The following TRIM2 variants were observed in gnomAD, a reference collection of about 807,000 sequenced individuals.
TRIM2 encodes tripartite motif containing 2.
A neutral mutation model predicts 75.2 loss-of-function variants in TRIM2; 20 were observed. The ratio of observed to expected loss-of-function variants is 0.27; its 90% CI spans 0.19 to 0.39. TRIM2 has a LOEUF of 0.39. Ranked by LOEUF, TRIM2 falls within the 10% of genes least tolerant of loss-of-function variation. The probability of loss-of-function intolerance (pLI) is 1.00; values close to 1 mark genes in which losing one functional copy is unlikely to be tolerated. For missense variants in TRIM2, 660 were observed against 990.8 expected (o/e 0.67, Z 4.48); for synonymous variants, 373 against 388.3 (o/e 0.96, Z 0.46).
chr4:153,226,828 C>A (rs999097117), intron 1 of TRIM2, among the ~76,000 whole-genome samples: 5 of 152,146 alleles, frequency 3.3e-5, no homozygotes, highest in African/African-American at 1.2e-4. Context: ...GAACAAGTTT[C>A]CTTTTAGAAT....
At chr4:153,240,560 A>G (rs541153024) in intron 1 of TRIM2, among the ~76,000 whole-genome samples, 1 of 152,320 alleles carries the variant, frequency 6.6e-6, no homozygotes, top group South Asian at 2.1e-4. Context: ...TGCTTCTATT[A>G]TCAGTAGAAG....
intron 11 of TRIM2, 70 bp from the exon 12 acceptor site, chr4:153,334,744 T>A: frequency 7.4e-7 from 1 of 1,353,730 alleles, no homozygotes; most frequent in South Asian, 1.6e-5. Context: ...GCATCAAGAG[T>A]TTTCTAACCC....
chr4:153,270,680 T>G (rs570828420), intron 2 of TRIM2, among the ~76,000 whole-genome samples, 161 bp downstream of exon 2: 7 of 152,332 alleles, frequency 4.6e-5, no homozygotes, highest in African/African-American at 1.7e-4. Flanking sequence ...TGCAAATAAT[T>G]TACTTTATTT....
intron 1 of TRIM2, among the ~76,000 whole-genome samples, chr4:153,180,529 GTC>G: frequency 6.6e-6 from 1 of 152,134 alleles, no homozygotes; most frequent in East Asian, 1.9e-4. Context: ...TTGAGACAGA[GTC>G]TTGCTGCGCA....
At chr4:153,160,705 A>G (rs1389851167) in intron 1 of TRIM2, among the ~76,000 whole-genome samples, 4 of 152,134 alleles carry the variant, frequency 2.6e-5, no homozygotes, top group Non-Finnish European at 4.4e-5. Context: ...AGCGATCCTT[A>G]TACTTCAGCC....
intron 1 of TRIM2, among the ~76,000 whole-genome samples, chr4:153,183,234 A>G (rs2149641090): frequency 6.6e-6 from 1 of 152,314 alleles, no homozygotes; most frequent in South Asian, 2.1e-4. Context: ...AGCACTGGGC[A>G]GTGATGCATG....
At position 153,336,520 on chromosome 4, in the gene TRIM2, A is replaced by C; in HGVS notation, c.*1554A>C. On this transcript the variant is annotated 3_prime_UTR_variant, in exon 12 of 12. Transcript: ENST00000338700. ...GGTACTGTAAAATAAGCTGTGGTCTATTTCCACTGTTTAATTTTCTACTCA... is the reference window on the plus strand; with the variant it reads ...GGTACTGTAAAATAAGCTGTGGTCTCTTTCCACTGTTTAATTTTCTACTCA... 1.0e-6 allele frequency: 1 copy of C among 985,816 alleles called. No homozygotes were observed. The highest frequency in any genetic ancestry group is 1.2e-6 in the Non-Finnish European group (1 of 829,918). The allele number at this position is 985,816 out of a possible 1,614,324, so 61.1% of individuals were successfully genotyped here. A position where few individuals can be genotyped will look rare whatever the true frequency, so the allele number is the denominator to read the frequency against.
intron 3 of TRIM2, 53 bp from the exon 4 acceptor site, chr4:153,292,926 GAGT>G: frequency 6.7e-7 from 1 of 1,488,976 alleles, no homozygotes; most frequent in Non-Finnish European, 9.0e-7. Context: ...GCTTAGTGTA[GAGT>G]AAGCCCTCAA....
intron 1 of TRIM2, among the ~76,000 whole-genome samples, chr4:153,179,532 G>GT (rs1167497049): frequency 6.6e-6 from 1 of 152,042 alleles, no homozygotes; most frequent in Non-Finnish European, 1.5e-5. Context: ...GGAAAATGCC[G>GT]TACCAAGACA....
chr4:153,334,807 T>C lies in TRIM2; in HGVS notation c.2164-7T>C, dbSNP rs1256888765. ...CTATAACATTCTGACTTCCTATTTG[T>C]TTACAGGTTTTTGATGGGAGTGGAT... is the stretch of plus-strand genomic sequence containing the variant. On this transcript the variant is annotated splice_region_variant and splice_polypyrimidine_tract_variant and intron_variant, in intron 11 of 11. Coordinates refer to ENST00000338700, the MANE Select transcript of TRIM2 (RefSeq NM_015271.5). 1 of 1,607,738 alleles carries C rather than the reference T, an allele frequency of 6.2e-7. No homozygotes were observed. The highest frequency in any genetic ancestry group is 8.5e-7 in the Non-Finnish European group (1 of 1,175,448).
In TRIM2 at chr4:153,337,134, C is replaced by T. The variant is rs187070610; in HGVS notation, c.*2168C>T. 5.6e-5 allele frequency: 55 copies of T among 985,418 alleles called. No individual in the cohort carries two copies. The African/African-American group carries it at 8.5e-4, about 15-fold the overall frequency. 61.0% of individuals were successfully genotyped at this position (985,418 alleles called of 1,614,324 possible). A position where few individuals can be genotyped will look rare whatever the true frequency, so the allele number is the denominator to read the frequency against. ...CGTTCTGCACAAAAGACAGGCTAGACTCTTGTCTAGATTGTTTAAAAGAAA... is the reference window on the plus strand; with the variant it reads ...CGTTCTGCACAAAAGACAGGCTAGATTCTTGTCTAGATTGTTTAAAAGAAA... On this transcript the variant is annotated 3_prime_UTR_variant, in exon 12 of 12. Coordinates refer to ENST00000338700, the MANE Select transcript of TRIM2 (RefSeq NM_015271.5).
chr4:153,338,971 G>C lies in TRIM2; in HGVS notation c.*4005G>C. On this transcript the variant is annotated 3_prime_UTR_variant, in exon 12 of 12. Transcript: ENST00000338700. ...TGAAGGGGTTTTTTTTTTTTGCTTTGTTTTCTTTTTAGATTTTGTACATTC... is the reference window on the plus strand; with the variant it reads ...TGAAGGGGTTTTTTTTTTTTGCTTTCTTTTCTTTTTAGATTTTGTACATTC... 1 of 968,322 alleles carries C rather than the reference G, an allele frequency of 1.0e-6. No individual in the cohort carries two copies. Among genetic ancestry groups the C allele is most frequent in the Non-Finnish European group, 1.2e-6 (1 of 823,218 alleles). 60.0% of individuals were successfully genotyped at this position (968,322 alleles called of 1,614,324 possible). A position where few individuals can be genotyped will look rare whatever the true frequency, so the allele number is the denominator to read the frequency against.
chr4:153,264,306 T>G (rs1207261689), intron 1 of TRIM2, among the ~76,000 whole-genome samples: 1 of 152,224 alleles, frequency 6.6e-6, no homozygotes, highest in Non-Finnish European at 1.5e-5. Context: ...TTTGCTACCA[T>G]TTCCTTTCTA....
At chr4:153,156,210 G>A (rs1729218593) in intron 1 of TRIM2, among the ~76,000 whole-genome samples, 1 of 152,156 alleles carries the variant, frequency 6.6e-6, no homozygotes, top group African/African-American at 2.4e-5. Flanking sequence ...GAGCTCTCCC[G>A]GGGCCTCTTC....
chr4:153,239,894 T>C (rs1485966479), intron 1 of TRIM2, among the ~76,000 whole-genome samples: 2 of 147,922 alleles, frequency 1.4e-5, no homozygotes, highest in African/African-American at 5.1e-5. Flanking sequence ...TGGAGTGCAG[T>C]GGCGTTATCT....
intron 6 of TRIM2, chr4:153,307,980 C>T: frequency 1.3e-6 from 1 of 758,662 alleles, no homozygotes; most frequent in Non-Finnish European, 2.5e-6. Context: ...GTTCTGAATA[C>T]ACTGGACCAG....
intron 8 of TRIM2, among the ~76,000 whole-genome samples, chr4:153,318,871 A>G (rs1445459494): frequency 6.6e-6 from 1 of 152,234 alleles, no homozygotes; most frequent in Non-Finnish European, 1.5e-5. Context: ...AATAATGAGA[A>G]TAAACTCTAA....
At position 153,156,008 on chromosome 4, in the gene TRIM2, G is replaced by A. The variant is rs146144576; in HGVS notation, c.-49+2738G>A. Among the ~76,000 whole-genome samples the A allele has an allele frequency of 3.3e-5, 5 of 152,350 alleles. No homozygotes were observed. In the East Asian group the frequency reaches 9.6e-4, roughly 29 times the overall value. ...ATCTTCTGATTTGCCAAGGGAAGCT[G>A]GAATTTTTGGTTTTTACATTTGTGA... On this transcript the variant is annotated intron_variant, in intron 1 of 11. Transcript: ENST00000437508.
chr4:153,328,268 T>C (rs1416169381), intron 10 of TRIM2, among the ~76,000 whole-genome samples: 1 of 152,226 alleles, frequency 6.6e-6, no homozygotes. Flanking sequence ...ATAACAAAGG[T>C]ATCATTCACA....
Sources: gnomAD v4.1 joint callset for allele counts (sites outside exome capture counted in the v4.1 genomes callset) on GRCh38, gnomAD v4.1.1 for gene constraint, MANE v1.5 for transcripts, NCBI Gene and HGNC (gene_info 2026-07-23, HGNC 2026-07-21) for gene names.